The following DNAH2 variants were observed in gnomAD, a reference collection of about 807,000 sequenced individuals.
The protein encoded by DNAH2 is dynein axonemal heavy chain 2.
Under a neutral mutation model 523.5 loss-of-function variants are expected in DNAH2, and 323 were observed. The ratio of observed to expected loss-of-function variants is 0.62; its 90% CI spans 0.56 to 0.68. The LOEUF is 0.68. Among genes scored for constraint, DNAH2 ranks in the 30% least tolerant of loss-of-function variants. DNAH2 has a pLI of 0.00. For missense variants in DNAH2, 4,907 were observed against 5,701.5 expected (o/e 0.86, Z 4.49); for synonymous variants, 2,093 against 2,177.4 (o/e 0.96, Z 1.08).
At position 7,780,992 on chromosome 17, in the gene DNAH2, G is replaced by T. The variant is rs1241765917; in HGVS notation, c.6004-50G>T. ...GCCCCGAAGCCCTTTGGAGGTGAAA[G>T]GCCTAGGCCCTGCCTCCTCAAGCCT... On this transcript the variant is annotated intron_variant, in intron 38 of 85. Coordinates refer to ENST00000572933, the MANE Select transcript of DNAH2 (RefSeq NM_020877.5). This position sits in a 1 kb window ranked among gnomAD's most constrained non-coding sequence, Gnocchi z 4.4. 1 of 1,612,456 alleles carries T rather than the reference G, an allele frequency of 6.2e-7. No homozygotes were observed. Among genetic ancestry groups the T allele is most frequent in the Non-Finnish European group, 8.5e-7 (1 of 1,179,866 alleles).
In DNAH2 at chr17:7,833,167, C is replaced by T. The variant is rs746025464; in HGVS notation, c.13075C>T (p.Leu4359Phe). The T allele has an allele frequency of 1.9e-6, 3 of 1,609,880 alleles. No homozygotes were observed. The highest frequency in any genetic ancestry group is 1.1e-5 in the South Asian group (1 of 91,074). The change falls in exon 85 of 86, where the codon CTC (leucine) becomes TTC (phenylalanine). Residue 4359 changes from leucine to phenylalanine, a missense_variant. Leu to Phe is a conservative substitution (Grantham distance 22). Coordinates refer to ENST00000572933, the MANE Select transcript of DNAH2 (RefSeq NM_020877.5). Reference protein sequence around the residue: ...VEAEPMQLVCLMPTIHFRPAE... With the variant: ...VEAEPMQLVCFMPTIHFRPAE... ...GGCAGAGCCCATGCAGCTTGTCTGCCTCATGCCCACGATCCACTTCCGGCC... is the reference window on the plus strand; with the variant it reads ...GGCAGAGCCCATGCAGCTTGTCTGCTTCATGCCCACGATCCACTTCCGGCC...
Position 7,824,199 on chromosome 17 carries a change from C to T in DNAH2, c.11557C>T (p.Gln3853Ter). The T allele has an allele frequency of 6.2e-7, 1 of 1,606,510 alleles. No homozygotes were observed. Among genetic ancestry groups the T allele is most frequent in the South Asian group, 1.1e-5 (1 of 90,712 alleles). The change falls in exon 76 of 86, where the codon CAG becomes TAG. Residue 3853 changes from glutamine to a stop codon, truncating the protein, a stop_gained. Coordinates refer to ENST00000572933, the MANE Select transcript of DNAH2 (RefSeq NM_020877.5). LOFTEE classifies it high-confidence loss of function. Reference sequence around the variant, plus strand: ...TGTGGACCCCACCAGTGCCCTGCTGCAGCTGGCAGAGCACATGGGCATGGC... The same window carrying T: ...TGTGGACCCCACCAGTGCCCTGCTGTAGCTGGCAGAGCACATGGGCATGGC... ...PGVDPTSALL[Q>*]LAEHMGMAQR...
rs755449566 is a variant in DNAH2, at chr17:7,740,455, C to G, written c.1412C>G (p.Thr471Ser). ...GGAATCAAGGACCTGGAGGTGATGA[C>G]CCAGAACCTGATCACCTCAGCCTTC... ...RAGIKDLEVM[T>S]QNLITSAFEL... The change falls in exon 10 of 86, where the codon ACC becomes AGC. Residue 471 changes from threonine (T) to serine (S), a missense_variant. Thr to Ser is a moderately conservative substitution (Grantham distance 58). Transcript: ENST00000572933. The G allele has an allele frequency of 4.9e-5, 79 of 1,614,064 alleles. No homozygotes were observed. The highest frequency in any genetic ancestry group is 6.2e-5 in the Non-Finnish European group (73 of 1,180,038).
Position 7,830,293 on chromosome 17 carries a change from TC to T in DNAH2, c.11854-3del, listed in dbSNP as rs765736025. The T allele has an allele frequency of 6.2e-7, 1 of 1,611,942 alleles. No individual in the cohort carries two copies. Among genetic ancestry groups the T allele is most frequent in the African/African-American group, 1.3e-5 (1 of 74,824 alleles). On this transcript the variant is annotated splice_region_variant and splice_polypyrimidine_tract_variant and intron_variant, in intron 77 of 85. Transcript: ENST00000572933. ...GTCACCCCATCTTTATATTTCATTG[TC>T]CCCAGGGCCTAAAGGCCAACATGAC...
At chr17:7,761,450 A>T (rs1278412203) in intron 18 of DNAH2, among the ~76,000 whole-genome samples, 1 of 151,618 alleles carries the variant, frequency 6.6e-6, no homozygotes, top group Admixed American at 6.6e-5. Flanking sequence ...TTTTTTTTAA[A>T]ATTTTTTGTA....
chr17:7,812,915 C>CA (rs1407942303), intron 63 of DNAH2, among the ~76,000 whole-genome samples: 1 of 150,360 alleles, frequency 6.7e-6, no homozygotes, highest in Non-Finnish European at 1.5e-5. Flanking sequence ...TGAATGATTG[C>CA]ACTCCAGCCT....
Position 7,832,904 on chromosome 17 carries a change from C to T in DNAH2, c.12954C>T (p.Asp4318=), listed in dbSNP as rs561080302. The change falls in exon 84 of 86, where the codon GAC becomes GAT. Residue 4318 remains aspartate, a synonymous_variant. Coordinates refer to ENST00000572933, the MANE Select transcript of DNAH2 (RefSeq NM_020877.5). This position sits in a 1 kb window ranked among gnomAD's most constrained non-coding sequence, Gnocchi z 4.3. ...AGTTTATCGTTTCCACTGTGGATGA[C>T]AGCAACCTAGTGTATCCCCCCAAGG... ...SWEFIVSTVD[D]SNLVYPPKDG... 231 of 1,614,226 alleles carry T rather than the reference C, an allele frequency of 1.4e-4. 1 individual carries two copies. In the South Asian group the frequency reaches 2.3e-3, roughly 16 times the overall value.
At chr17:7,799,354 C>A in intron 56 of DNAH2, 112 bp downstream of exon 56, 1 of 1,429,720 alleles carries the variant, frequency 7.0e-7, no homozygotes, top group Non-Finnish European at 9.5e-7. Context: ...GCTCCTCTGC[C>A]CGCCTCACCC....
At position 7,760,890 on chromosome 17, in the gene DNAH2, G is replaced by A. The variant is rs750694055; in HGVS notation, c.2936G>A (p.Arg979His). Residue 979 changes from arginine (R) to histidine (H), a missense_variant, in exon 18 of 86, where the codon CGC (arginine) becomes CAC (histidine). This residue lies in a region of DNAH2 where 2,806 missense variants were observed against 3,190.8 expected (regional missense o/e 0.88). Coordinates refer to ENST00000572933, the MANE Select transcript of DNAH2 (RefSeq NM_020877.5). The surrounding 1 kb of genome is among the most constrained non-coding windows in gnomAD (Gnocchi z 4.0). ...NKDSFIHRYQ[R>H]LNPPVSSFVA... The stretch of plus-strand genomic sequence containing the variant: ...GACTCCTTCATTCATCGCTACCAGC[G>A]CCTCAACCCTCCTGTCTCTTCTTTT... The A allele has an allele frequency of 4.3e-6, 7 of 1,614,174 alleles. No homozygotes were observed. Among genetic ancestry groups the A allele is most frequent in the East Asian group, 4.5e-5 (2 of 44,886 alleles).
Position 7,823,423 on chromosome 17 carries a change from C to T in DNAH2, c.11143-19C>T, listed in dbSNP as rs748689013. The T allele has an allele frequency of 1.9e-6, 3 of 1,607,744 alleles. No homozygotes were observed. The African/African-American group carries it at 4.1e-5, about 22-fold the overall frequency. ...GTATTCCCAAGTCAATCCCTTTCTT[C>T]CTCCCCTTCTCCCACCAGGTCTTGG... On this transcript the variant is annotated intron_variant, in intron 73 of 85. Transcript: ENST00000572933.
At chr17:7,779,166 G>A in intron 35 of DNAH2, 77 bp from the exon 36 acceptor site, 1 of 1,547,198 alleles carries the variant, frequency 6.5e-7, no homozygotes, top group Non-Finnish European at 8.8e-7. Context: ...AACATTTGAA[G>A]GAAGGGTGCG....
At chr17:7,783,288 G>C (rs2076650808) in intron 39 of DNAH2, among the ~76,000 whole-genome samples, 2 of 151,984 alleles carry the variant, frequency 1.3e-5, no homozygotes, top group African/African-American at 2.4e-5. Flanking sequence ...TGTTGGTCAG[G>C]CTGGTCTCGA....
chr17:7,797,755 C>T lies in DNAH2; in HGVS notation c.8156C>T (p.Ala2719Val), dbSNP rs2077106196. 2 of 1,614,008 alleles carry T rather than the reference C, an allele frequency of 1.2e-6. No individual in the cohort carries two copies. The highest frequency in any genetic ancestry group is 1.3e-5 in the African/African-American group (1 of 74,896). The change falls in exon 53 of 86, where the codon GCT becomes GTT. Residue 2719 changes from alanine to valine, a missense_variant. Ala to Val is a moderately conservative substitution (Grantham distance 64). This residue lies in a region of DNAH2 where 250 missense variants were observed against 371.3 expected (regional missense o/e 0.67). Coordinates refer to ENST00000572933, the MANE Select transcript of DNAH2 (RefSeq NM_020877.5). ...LTVLKTVMET[A>V]LNEYNLSPSV... ...GTGCTGAAGACAGTCATGGAGACAG[C>T]TCTAAATGAGTATAACCTGTCACCC...
At chr17:7,730,852 C>T (rs1016923743) in intron 4 of DNAH2, among the ~76,000 whole-genome samples, 9 of 151,724 alleles carry the variant, frequency 5.9e-5, no homozygotes, top group Non-Finnish European at 2.9e-5. Flanking sequence ...CGGTGGCTCA[C>T]GCCTGTAATC....
rs1476161177 is a variant in DNAH2, at chr17:7,819,373, C to G, written c.10980C>G (p.Asp3660Glu). 3 of 1,614,268 alleles carry G rather than the reference C, an allele frequency of 1.9e-6. No individual in the cohort carries two copies. Among genetic ancestry groups the G allele is most frequent in the Admixed American group, 1.7e-5 (1 of 60,028 alleles). The part of the protein sequence containing the change: ...HRSNKLEDRI[D>E]YLNDYHTYAV... Reference sequence around the variant, plus strand: ...GCAATAAGCTGGAGGACCGCATTGACTACCTGAATGACTACCACACCTACG... The same window carrying G: ...GCAATAAGCTGGAGGACCGCATTGAGTACCTGAATGACTACCACACCTACG... Residue 3660 changes from aspartate to glutamate, a missense_variant, in exon 72 of 86, where the codon GAC (aspartate) becomes GAG (glutamate). This residue lies in a region of DNAH2 where 1,851 missense variants were observed against 2,139.4 expected (regional missense o/e 0.87). Coordinates refer to ENST00000572933, the MANE Select transcript of DNAH2 (RefSeq NM_020877.5).
At chr17:7,819,512 C>T (rs1313542169) in intron 72 of DNAH2, 104 bp downstream of exon 72, 12 of 1,266,640 alleles carry the variant, frequency 9.5e-6, no homozygotes, top group East Asian at 2.4e-5. Flanking sequence ...CTCAGCCTGC[C>T]GCTGTCCTTG....
rs1215290194 is a variant in DNAH2, at chr17:7,821,725, C to T, written c.11142+356C>T. ...CAGGCTCCTCAACCCCAGCTTTTCT[C>T]CTCTCTCTGTCGCATCTACCGCTCT... On this transcript the variant is annotated intron_variant, in intron 73 of 85. Coordinates refer to ENST00000572933, the MANE Select transcript of DNAH2 (RefSeq NM_020877.5). This position sits in a 1 kb window ranked among gnomAD's most constrained non-coding sequence, Gnocchi z 5.0. Among the ~76,000 whole-genome samples, 7 of 152,140 alleles carry T rather than the reference C, an allele frequency of 4.6e-5. No individual in the cohort carries two copies. Among genetic ancestry groups the T allele is most frequent in the African/African-American group, 1.2e-4 (5 of 41,402 alleles).
chr17:7,796,403 T>G, intron 49 of DNAH2, 61 bp from the exon 50 acceptor site: 5 of 1,572,686 alleles, frequency 3.2e-6, no homozygotes, highest in Non-Finnish European at 1.7e-6. Flanking sequence ...AGCTCTTTAT[T>G]GGCTTCCCCT....
rs528909373 is a variant in DNAH2 at position 7,771,298 on chromosome 17, T to G, written c.4363-32T>G. The G allele has an allele frequency of 1.5e-5, 25 of 1,613,748 alleles. No individual in the cohort carries two copies. In the East Asian group the frequency reaches 5.3e-4, roughly 35 times the overall value. ...CAGAGGGTGGAGAGTGTGTAAGAAG[T>G]GGCCTCTCACCCCAACTTTTGGCCC... On this transcript the variant is annotated intron_variant, in intron 27 of 85. Transcript: ENST00000572933.
Sources: allele counts gnomAD v4.1 joint callset (sites outside exome capture counted in the v4.1 genomes callset), GRCh38; gene constraint gnomAD v4.1.1; regional missense constraint gnomAD v4.1.1; non-coding constraint Gnocchi (gnomAD v3.1); transcripts MANE v1.5; gene names NCBI Gene and HGNC (gene_info 2026-07-23, HGNC 2026-07-21).